Variants in KCTD15 observed in about 807,000 individuals in gnomAD.
KCTD15 encodes BTB/POZ domain-containing protein KCTD15.
KCTD15 carries 11 observed loss-of-function variants against 27.2 expected under a neutral mutation model. The observed-to-expected ratio is 0.41, with a 90% CI of 0.25 to 0.67. KCTD15 has a LOEUF of 0.67. Among genes scored for constraint, KCTD15 ranks in the 30% least tolerant of loss-of-function variants. The pLI, the probability that KCTD15 is intolerant of heterozygous loss-of-function variation, is 0.35. For synonymous variants in KCTD15, 163 were observed against 176.0 expected, an observed-to-expected ratio of 0.93 and a Z score of 0.58; for missense variants, 350 against 409.3, an observed-to-expected ratio of 0.86 and a Z score of 1.25.
At chr19:33,800,611 C>A in intron 3 of KCTD15, 91 bp downstream of exon 3, 2 of 1,147,996 alleles carry the variant, frequency 1.7e-6, no homozygotes, top group Non-Finnish European at 2.5e-6. Flanking sequence ...TTCCTTGGGA[C>A]CATGACACTC....
chr19:33,810,536 C>T (rs1484801999), intron 5 of KCTD15, among the ~76,000 whole-genome samples: 4 of 151,856 alleles, frequency 2.6e-5, no homozygotes, highest in South Asian at 2.1e-4. Flanking sequence ...AAAAGTTAGC[C>T]GGGTGTGGTG....
chr19:33,812,889 G>A lies in KCTD15; in HGVS notation c.793G>A (p.Glu265Lys). 6.4e-7 allele frequency: 1 copy of A among 1,550,392 alleles called. No individual in the cohort carries two copies. Among genetic ancestry groups the A allele is most frequent in the South Asian group, 1.2e-5 (1 of 83,922 alleles). ...QFSEYVLCRE[E>K]RRPQPTPTAV... ...CAGCGAGTATGTGCTTTGCCGGGAG[G>A]AGCGGCGGCCGCAGCCCACCCCCAC... The change falls in exon 7 of 7, where the codon GAG becomes AAG. Residue 265 changes from glutamate (E) to lysine (K), a missense_variant. By Grantham distance (56) the Glu-to-Lys change is moderately conservative (BLOSUM62 1). Around this residue, in one of 3 missense-constraint regions of KCTD15, gnomAD observed 219 missense variants for 234.9 expected, o/e 0.93. Transcript: ENST00000683859.
rs193289647 is a variant in KCTD15 at position 33,810,226 on chromosome 19, C to T, written c.388-1021C>T. On this transcript the variant is annotated intron_variant, in intron 5 of 6. Transcript: ENST00000683859. Reference sequence around the variant, plus strand: ...ATCAGCGCCTGAGGGACAGTCTGTGCGAGGCTGCTTAGCCCAGAAGGGGGC... The same window carrying T: ...ATCAGCGCCTGAGGGACAGTCTGTGTGAGGCTGCTTAGCCCAGAAGGGGGC... Among the ~76,000 whole-genome samples the T allele has an allele frequency of 2.2e-3, 341 of 152,274 alleles. 1 individual carries two copies. The highest frequency in any genetic ancestry group is 7.7e-3 in the African/African-American group (320 of 41,550).
At position 33,813,426 on chromosome 19, in the gene KCTD15, T is replaced by G. The variant is rs577125999; in HGVS notation, c.*478T>G. 5 of 457,596 alleles carry G rather than the reference T, an allele frequency of 1.1e-5. No individual in the cohort carries two copies. The highest frequency in any genetic ancestry group is 6.0e-5 in the African/African-American group (3 of 50,246). 28.3% of individuals were successfully genotyped at this position (457,596 alleles called of 1,614,324 possible). A position where few individuals can be genotyped will look rare whatever the true frequency, so the allele number is the denominator to read the frequency against. On this transcript the variant is annotated 3_prime_UTR_variant, in exon 7 of 7. Transcript: ENST00000683859. ...AGAGAGGCTGACAAGGACCAATGCT[T>G]CTTTATCTGGTGCTCAGTTCTCAGT...
intron 1 of KCTD15, chr19:33,797,540 G>T: frequency 1.6e-5 from 6 of 368,016 alleles, no homozygotes; most frequent in South Asian, 7.6e-5. Flanking sequence ...TCCCGGGCGC[G>T]CAGGGTTTGG....
rs1185206585 is a variant in KCTD15 at position 33,811,228 on chromosome 19, C to T, written c.388-19C>T. On this transcript the variant is annotated intron_variant, in intron 5 of 6. Transcript: ENST00000683859. ...CCTACTCCGACACCCACATCAACAC[C>T]CTGTGCGCCTGTCCCCAGGACTTCA... 3 of 1,477,638 alleles carry T rather than the reference C, an allele frequency of 2.0e-6. No individual in the cohort carries two copies. Among genetic ancestry groups the T allele is most frequent in the African/African-American group, 2.8e-5 (2 of 71,974 alleles). The allele number at this position is 1,477,638 out of a possible 1,614,324, so 91.5% of individuals were successfully genotyped here.
rs749379996 is a variant in KCTD15 at position 33,811,782 on chromosome 19, T to C, written c.693+230T>C. On this transcript the variant is annotated intron_variant, in intron 6 of 6. Transcript: ENST00000683859. ...ATCGATCTGTACTTTTTTTTTTTTT[T>C]TCCAAAAGGATGTTCTATAAAAATG... is the stretch of plus-strand genomic sequence containing the variant. The C allele has an allele frequency of 3.7e-6, 6 of 1,603,398 alleles. No individual in the cohort carries two copies. In the South Asian group the frequency reaches 6.8e-5, roughly 18 times the overall value.
At chr19:33,805,607 G>A (rs909531904) in intron 4 of KCTD15, among the ~76,000 whole-genome samples, 7 of 152,210 alleles carry the variant, frequency 4.6e-5, no homozygotes, top group African/African-American at 1.7e-4. Flanking sequence ...TGGAGCTACT[G>A]TTCTCCCAGC....
chr19:33,805,179 C>A (rs1163629270), intron 4 of KCTD15, among the ~76,000 whole-genome samples: 2 of 152,154 alleles, frequency 1.3e-5, no homozygotes, highest in Non-Finnish European at 2.9e-5. Flanking sequence ...ACCTTAGCTT[C>A]CCAAAGTGCT....
intron 6 of KCTD15, 147 bp downstream of exon 6, chr19:33,811,699 C>G: frequency 6.6e-7 from 1 of 1,525,274 alleles, no homozygotes; most frequent in Non-Finnish European, 9.0e-7. Flanking sequence ...TGTGTCGATG[C>G]ATAATTTATG....
chr19:33,813,822 G>A lies in KCTD15; in HGVS notation c.*874G>A, dbSNP rs1276562161. 1 of 156,662 alleles carries A rather than the reference G, an allele frequency of 6.4e-6. No individual in the cohort carries two copies. Among genetic ancestry groups the A allele is most frequent in the African/African-American group, 2.4e-5 (1 of 41,464 alleles). The allele number at this position is 156,662 out of a possible 1,614,324, so 9.7% of individuals were successfully genotyped here. On this transcript the variant is annotated 3_prime_UTR_variant, in exon 7 of 7. Transcript: ENST00000683859. ...CCCATCTGTCAGCAGCGTCTTCTAGGTCCCCAGCTCAGGGAGCCATCCCCA... is the reference window on the plus strand; with the variant it reads ...CCCATCTGTCAGCAGCGTCTTCTAGATCCCCAGCTCAGGGAGCCATCCCCA...
At position 33,814,899 on chromosome 19, in the gene KCTD15, G is replaced by C. The variant is rs1474320420; in HGVS notation, c.*1951G>C. 6.6e-6 allele frequency: 1 copy of C among 152,278 alleles called. No individual in the cohort carries two copies. The highest frequency in any genetic ancestry group is 1.5e-5 in the Non-Finnish European group (1 of 68,070). 9.4% of individuals were successfully genotyped at this position (152,278 alleles called of 1,614,324 possible). A position where few individuals can be genotyped will look rare whatever the true frequency, so the allele number is the denominator to read the frequency against. Reference sequence around the variant, plus strand: ...GTGGCTCCCTGTCCAAGGCCGCAGAGCAGACGCCATCCCACTGTACAATCG... The same window carrying C: ...GTGGCTCCCTGTCCAAGGCCGCAGACCAGACGCCATCCCACTGTACAATCG... On this transcript the variant is annotated 3_prime_UTR_variant, in exon 7 of 7. Transcript: ENST00000683859.
intron 6 of KCTD15, 181 bp downstream of exon 6, chr19:33,811,733 C>T (rs1975930884): frequency 2.5e-6 from 4 of 1,568,942 alleles, no homozygotes; most frequent in Admixed American, 1.9e-5. Context: ...TAAATGATGG[C>T]GCCTGGGGGA....
At chr19:33,806,300 G>C (rs540184491) in intron 4 of KCTD15, among the ~76,000 whole-genome samples, 84 of 152,216 alleles carry the variant, frequency 5.5e-4, no homozygotes, top group Non-Finnish European at 1.0e-3. Flanking sequence ...GATGTGTCTG[G>C]ATCTGCATGA....
chr19:33,796,019 C>G (rs769439968), upstream of KCTD15: 1 of 152,140 alleles, frequency 6.6e-6, no homozygotes, highest in Non-Finnish European at 1.5e-5. Context: ...CGACTGGCAG[C>G]CCAGTTTCTT....
chr19:33,798,832 T>C (rs1031941129), intron 2 of KCTD15, 66 bp downstream of exon 2: 4 of 152,388 alleles, frequency 2.6e-5, no homozygotes, highest in African/African-American at 9.7e-5. Flanking sequence ...AAGAACAGAG[T>C]GGAGCGGCTT....
chr19:33,795,200 G>A (rs534919176), upstream of KCTD15, among the ~76,000 whole-genome samples: 1 of 152,306 alleles, frequency 6.6e-6, no homozygotes, highest in Non-Finnish European at 1.5e-5. Flanking sequence ...TAACTTTAAT[G>A]AGAAAATTTC....
chr19:33,812,004 C>G, intron 6 of KCTD15: 1 of 1,460,370 alleles, frequency 6.8e-7, no homozygotes, highest in Non-Finnish European at 9.0e-7. Flanking sequence ...CCGGCTCTTC[C>G]TGGATGGGTC....
Position 33,798,951 on chromosome 19 carries a change from C to T in KCTD15, c.-28+185C>T, listed in dbSNP as rs75717064. ...ATTTCAGCCAGAATTCCTTCCTGTT[C>T]AGTTTATCCTCAGCGCGTCTTCCCT... On this transcript the variant is annotated intron_variant, in intron 2 of 6. Transcript: ENST00000683859. 5.6e-4 allele frequency among the ~76,000 whole-genome samples: 85 copies of T among 152,312 alleles called. 2 individuals are homozygous for T. The East Asian group carries it at 0.016, about 29-fold the overall frequency.
Sources: gnomAD v4.1 joint callset for allele counts (sites outside exome capture counted in the v4.1 genomes callset) on GRCh38, gnomAD v4.1.1 for gene constraint, gnomAD v4.1.1 regional missense constraint, MANE v1.5 for transcripts, NCBI Gene and HGNC (gene_info 2026-07-23, HGNC 2026-07-21) for gene names.